Variants in GTF2IRD1 observed in about 807,000 individuals in gnomAD.
The protein encoded by GTF2IRD1 is general transcription factor II-I repeat domain-containing protein 1.
Under a neutral mutation model 113.2 loss-of-function variants are expected in GTF2IRD1, and 26 were observed. The observed-to-expected ratio is 0.23, with a 90% CI of 0.17 to 0.32. The LOEUF is 0.32. Among genes scored for constraint, GTF2IRD1 ranks in the 10% least tolerant of loss-of-function variants. The pLI is 1.00. For synonymous variants in GTF2IRD1, 484 were observed against 529.1 expected, an observed-to-expected ratio of 0.91 and a Z score of 1.17; for missense variants, 864 against 1,280.8, an observed-to-expected ratio of 0.67 and a Z score of 4.97.
At chr7:74,601,615 A>G in intron 26 of GTF2IRD1, 1 of 538,444 alleles carries the variant, frequency 1.9e-6, no homozygotes, top group Non-Finnish European at 2.9e-6. Context: ...TCTACTAAAA[A>G]TACAAAATTA....
chr7:74,586,379 T>C (rs1801720419), intron 22 of GTF2IRD1, among the ~76,000 whole-genome samples: 1 of 151,366 alleles, frequency 6.6e-6, no homozygotes, highest in African/African-American at 2.4e-5. Flanking sequence ...GAGCGTGGGG[T>C]CTTTGTGTGG....
chr7:74,454,693 A>T lies in GTF2IRD1; in HGVS notation c.-7+517A>T, dbSNP rs1792846932. The stretch of plus-strand genomic sequence containing the variant: ...ATTGCCCCAGCAGGGTGGTTCCTGT[A>T]GTGGACCCCCCGCCCCGGCCCCGGG... On this transcript the variant is annotated intron_variant, in intron 1 of 26. Transcript: ENST00000424337. 2.0e-5 allele frequency among the ~76,000 whole-genome samples: 3 copies of T among 151,794 alleles called. No homozygotes were observed. The South Asian group carries it at 6.3e-4, about 32-fold the overall frequency.
intron 20 of GTF2IRD1, among the ~76,000 whole-genome samples, 196 bp from the exon 21 acceptor site, chr7:74,558,665 T>C (rs1343774746): frequency 6.6e-6 from 1 of 151,910 alleles, no homozygotes; most frequent in Non-Finnish European, 1.5e-5. Flanking sequence ...CATGCTGGCC[T>C]TTTTTTTATG....
chr7:74,468,357 T>A (rs57723453), intron 1 of GTF2IRD1, among the ~76,000 whole-genome samples: 6,656 of 41,996 alleles, frequency 0.16, 331 homozygotes, highest in African/African-American at 0.34. Flanking sequence ...AAAAATAATT[T>A]AAAAAAAAAA....
chr7:74,508,483 G>T (rs1796426259), intron 2 of GTF2IRD1, among the ~76,000 whole-genome samples: 1 of 152,036 alleles, frequency 6.6e-6, no homozygotes, highest in Admixed American at 6.6e-5. Context: ...CTAGGTCAGT[G>T]GTTCGAGACT....
In GTF2IRD1 at chr7:74,508,167, G is replaced by T. The variant is rs782098960; in HGVS notation, c.87G>T (p.Glu29Asp). 2 of 1,613,038 alleles carry T rather than the reference G, an allele frequency of 1.2e-6. No individual in the cohort carries two copies. The highest frequency in any genetic ancestry group is 1.7e-6 in the Non-Finnish European group (2 of 1,179,992). ...ACTCCGCGTTCACCCGCAAAGACGA[G>T]ATCATCACCAGCCTCGTGTCTGCCT... ...RWNSAFTRKD[E>D]IITSLVSALD... The change falls in exon 2 of 27, where the codon GAG (glutamate) becomes GAT (aspartate). Residue 29 changes from glutamate (E) to aspartate (D), a missense_variant. This residue lies in a region of GTF2IRD1 where 182 missense variants were observed against 266.6 expected (regional missense o/e 0.68). Coordinates refer to ENST00000424337, the MANE Select transcript of GTF2IRD1 (RefSeq NM_005685.4).
At position 74,538,724 on chromosome 7, in the gene GTF2IRD1, C is replaced by A; in HGVS notation, c.1492C>A (p.Pro498Thr). The A allele has an allele frequency of 6.2e-7, 1 of 1,605,570 alleles. No individual in the cohort carries two copies. The highest frequency in any genetic ancestry group is 8.5e-7 in the Non-Finnish European group (1 of 1,172,254). Residue 498 changes from proline to threonine, a missense_variant, in exon 13 of 27, where the codon CCA becomes ACA. This residue lies in a region of GTF2IRD1 where 218 missense variants were observed against 352.6 expected (regional missense o/e 0.62). Transcript: ENST00000424337. The part of the protein sequence containing the change: ...LGGLRPIKIE[P>T]EDLDIIQVTV... The stretch of plus-strand genomic sequence containing the variant: ...CGGGCTGAGGCCGATCAAAATTGAG[C>A]CAGAGGATCTGGACATCATTCAGGT...
chr7:74,510,880 C>G (rs1037717582), intron 2 of GTF2IRD1, among the ~76,000 whole-genome samples: 1 of 151,946 alleles, frequency 6.6e-6, no homozygotes, highest in Admixed American at 6.6e-5. Flanking sequence ...GAAACTCCAT[C>G]TCTACTGAAA....
At chr7:74,564,385 C>T (rs1800165505) in intron 22 of GTF2IRD1, among the ~76,000 whole-genome samples, 1 of 152,148 alleles carries the variant, frequency 6.6e-6, no homozygotes, top group South Asian at 2.1e-4. Flanking sequence ...CCACTGCACC[C>T]TAGAGCTGTG....
chr7:74,491,308 A>AAATT (rs1795324021), intron 1 of GTF2IRD1, among the ~76,000 whole-genome samples: 1 of 130,734 alleles, frequency 7.6e-6, no homozygotes, highest in Non-Finnish European at 1.6e-5. Context: ...AGAAAAAAAA[A>AAATT]TTCTTTTTTT....
At chr7:74,532,457 CGGA>C (rs1238973404) in intron 9 of GTF2IRD1, among the ~76,000 whole-genome samples, 13 of 152,018 alleles carry the variant, frequency 8.6e-5, no homozygotes, top group Non-Finnish European at 1.8e-4. Context: ...AGGAGGCTGA[CGGA>C]GGAGGATCAC....
At chr7:74,538,622 A>G in intron 12 of GTF2IRD1, 58 bp from the exon 13 acceptor site, 4 of 971,418 alleles carry the variant, frequency 4.1e-6, no homozygotes, top group Non-Finnish European at 6.7e-6. Context: ...GGAAAGAGTC[A>G]CTCTGCCCAG....
intron 1 of GTF2IRD1, among the ~76,000 whole-genome samples, chr7:74,479,013 C>T (rs576184062): frequency 7.2e-4 from 109 of 152,104 alleles, no homozygotes; most frequent in Non-Finnish European, 1.2e-3. Flanking sequence ...AGGTGCCTCC[C>T]TTGGGACCCC....
At chr7:74,535,165 T>C in intron 10 of GTF2IRD1, 27 bp downstream of exon 10, 1 of 1,601,836 alleles carries the variant, frequency 6.2e-7, no homozygotes, top group Non-Finnish European at 8.6e-7. Flanking sequence ...TAGTCCATTC[T>C]GAAGTTTCCG....
chr7:74,485,601 AGCAAGACTCCAT>A lies in GTF2IRD1; in HGVS notation c.-6-22473_-6-22462del, dbSNP rs1334447208. Reference sequence around the variant, plus strand: ...CACTGCAGTCTGGCCTGGGTAAAAGAGCAAGACTCCATCTCAAAGAAAAAAAAAAAATAGATG... The same window carrying A: ...CACTGCAGTCTGGCCTGGGTAAAAGACTCAAAGAAAAAAAAAAAATAGATG... On this transcript the variant is annotated intron_variant, in intron 1 of 26. Transcript: ENST00000424337. 4.7e-5 allele frequency among the ~76,000 whole-genome samples: 7 copies of A among 149,432 alleles called. No homozygotes were observed. In the East Asian group the frequency reaches 1.2e-3, roughly 26 times the overall value.
At chr7:74,476,034 C>G (rs964171861) in intron 1 of GTF2IRD1, among the ~76,000 whole-genome samples, 7 of 152,258 alleles carry the variant, frequency 4.6e-5, no homozygotes, top group African/African-American at 1.4e-4. Flanking sequence ...TCCAGGTACC[C>G]GATAACGGAT....
intron 9 of GTF2IRD1, among the ~76,000 whole-genome samples, chr7:74,531,164 A>G (rs1348225848): frequency 6.6e-6 from 1 of 152,028 alleles, no homozygotes; most frequent in African/African-American, 2.4e-5. Context: ...TGAGGTCAAG[A>G]GTTTGAGACC....
intron 1 of GTF2IRD1, among the ~76,000 whole-genome samples, chr7:74,504,560 C>A (rs1276222391): frequency 6.6e-6 from 1 of 151,718 alleles, no homozygotes; most frequent in Non-Finnish European, 1.5e-5. Context: ...AGCAAGGACA[C>A]CAGCAAGGCT....
chr7:74,524,059 G>C lies in GTF2IRD1; in HGVS notation c.1007-12G>C, dbSNP rs372115216. 6.3e-7 allele frequency: 1 copy of C among 1,598,646 alleles called. No individual in the cohort carries two copies. Among genetic ancestry groups the C allele is most frequent in the African/African-American group, 1.3e-5 (1 of 74,774 alleles). ...GGGGCCCTGCTCACTTGTGCCTCCT[G>C]TGTTTTGATAGAGAAGTGGGACGCC... On this transcript the variant is annotated splice_polypyrimidine_tract_variant and intron_variant, in intron 7 of 26. Transcript: ENST00000424337.
Sources: allele counts gnomAD v4.1 joint callset (sites outside exome capture counted in the v4.1 genomes callset), GRCh38; gene constraint gnomAD v4.1.1; regional missense constraint gnomAD v4.1.1; transcripts MANE v1.5; gene names NCBI Gene and HGNC (gene_info 2026-07-23, HGNC 2026-07-21).